MGAT4C: variants seen among roughly 807,000 people sequenced by gnomAD.
MGAT4C encodes the protein alpha-1,3-mannosyl-glycoprotein 4-beta-N-acetylglucosaminyltransferase C.
A neutral mutation model predicts 40.1 loss-of-function variants in MGAT4C; 19 were observed. The observed-to-expected ratio is 0.47, with a 90% CI of 0.33 to 0.70. The LOEUF is 0.70. Among genes scored for constraint, MGAT4C ranks in the 30% least tolerant of loss-of-function variants. The pLI, the probability that MGAT4C is intolerant of heterozygous loss-of-function variation, is 0.02. For synonymous variants in MGAT4C, 181 were observed against 187.1 expected, an observed-to-expected ratio of 0.97 and a Z score of 0.27; for missense variants, 491 against 563.2, an observed-to-expected ratio of 0.87 and a Z score of 1.30.
intron 3 of MGAT4C, among the ~76,000 whole-genome samples, chr12:86,369,343 T>C (rs1331895621): frequency 6.6e-6 from 1 of 152,024 alleles, no homozygotes; most frequent in African/African-American, 2.4e-5. Context: ...ATGGTAATTA[T>C]GGAACTGTAA....
At chr12:86,445,164 T>A (rs992219684) in intron 2 of MGAT4C, among the ~76,000 whole-genome samples, 2 of 152,186 alleles carry the variant, frequency 1.3e-5, no homozygotes, top group Non-Finnish European at 2.9e-5. Flanking sequence ...TCTCACACTT[T>A]AAATATGTGT....
At chr12:86,413,447 G>A (rs986184298) in intron 3 of MGAT4C, among the ~76,000 whole-genome samples, 8 of 152,176 alleles carry the variant, frequency 5.3e-5, no homozygotes, top group Non-Finnish European at 1.2e-4. Context: ...AGAATCATAA[G>A]TTTGCCAATG....
intron 2 of MGAT4C, among the ~76,000 whole-genome samples, chr12:86,683,240 A>G (rs1445411950): frequency 6.6e-6 from 1 of 152,206 alleles, no homozygotes; most frequent in Non-Finnish European, 1.5e-5. Context: ...CAAAAGAAAG[A>G]TTCAATAAAA....
intron 3 of MGAT4C, among the ~76,000 whole-genome samples, chr12:86,358,708 C>T (rs1955376965): frequency 6.6e-6 from 1 of 152,104 alleles, no homozygotes; most frequent in Non-Finnish European, 1.5e-5. Flanking sequence ...TTTAAACCAA[C>T]AAAGACCAAA....
intron 4 of MGAT4C, among the ~76,000 whole-genome samples, chr12:86,287,242 C>CAGA (rs1953374577): frequency 6.6e-6 from 1 of 152,124 alleles, no homozygotes; most frequent in Non-Finnish European, 1.5e-5. Context: ...CCTTTTCCCC[C>CAGA]AATCTCTCCA....
At chr12:86,636,676 T>C (rs1260741697) in intron 2 of MGAT4C, among the ~76,000 whole-genome samples, 2 of 152,008 alleles carry the variant, frequency 1.3e-5, no homozygotes, top group African/African-American at 4.8e-5. Context: ...AGAGAGAAAT[T>C]TTCATGTTGT....
intron 2 of MGAT4C, among the ~76,000 whole-genome samples, chr12:86,507,520 T>G (rs1958491493): frequency 6.6e-6 from 1 of 152,160 alleles, no homozygotes; most frequent in African/African-American, 2.4e-5. Flanking sequence ...TTTTTGTCAT[T>G]AACCCTGTGA....
chr12:86,258,443 C>T (rs950305153), upstream of MGAT4C, among the ~76,000 whole-genome samples: 6 of 151,998 alleles, frequency 3.9e-5, no homozygotes, highest in African/African-American at 1.2e-4. Flanking sequence ...CAGAATGCCA[C>T]ATATAATGTG....
chr12:86,696,352 C>G (rs1483798920), intron 2 of MGAT4C, among the ~76,000 whole-genome samples: 4 of 151,966 alleles, frequency 2.6e-5, no homozygotes, highest in South Asian at 2.1e-4. Flanking sequence ...TACCACATAC[C>G]CACAAAAATT....
chr12:86,700,296 T>C (rs1052436450), intron 2 of MGAT4C, among the ~76,000 whole-genome samples: 1 of 152,028 alleles, frequency 6.6e-6, no homozygotes, highest in Non-Finnish European at 1.5e-5. Context: ...AGTCGCTTAA[T>C]ATATTGACTA....
At position 86,568,545 on chromosome 12, in the gene MGAT4C, C is replaced by CATATATATAT. The variant is rs1232291041; in HGVS notation, c.-228-133290_-228-133281dup. 7.8e-3 allele frequency among the ~76,000 whole-genome samples: 1,078 copies of CATATATATAT among 138,706 alleles called. 12 individuals are homozygous for CATATATATAT. The highest frequency in any genetic ancestry group is 0.046 in the East Asian group (209 of 4,524). The allele number at this position is 138,706 out of a possible 152,430, so 91.0% of individuals were successfully genotyped here. Reference sequence around the variant, plus strand: ...AGTCAATATTCCTTAAACTCCCCTTCATATATATATATATATATATATCCT... The same window carrying CATATATATAT: ...AGTCAATATTCCTTAAACTCCCCTTCATATATATATATATATATATATATATATATATCCT... On this transcript the variant is annotated intron_variant, in intron 2 of 7. Transcript: ENST00000548651.
At chr12:86,049,759 C>T in intron 1 of MGAT4C, 36 bp from the exon 2 acceptor site, 1 of 811,410 alleles carries the variant, frequency 1.2e-6, no homozygotes, top group Non-Finnish European at 1.5e-6. Flanking sequence ...CTAATACAAC[C>T]CACTGGTTTC....
chr12:86,673,369 T>G (rs1034115305), intron 2 of MGAT4C, among the ~76,000 whole-genome samples: 1 of 152,184 alleles, frequency 6.6e-6, no homozygotes, highest in Non-Finnish European at 1.5e-5. Flanking sequence ...GTTTTGTTTA[T>G]CATTGTGAGA....
At chr12:86,773,059 G>A (rs1226101578) in intron 1 of MGAT4C, among the ~76,000 whole-genome samples, 1 of 152,086 alleles carries the variant, frequency 6.6e-6, no homozygotes, top group Non-Finnish European at 1.5e-5. Context: ...TGTGGGCTGG[G>A]CTGAATTATT....
intron 2 of MGAT4C, among the ~76,000 whole-genome samples, chr12:86,605,649 G>A (rs1962016621): frequency 6.6e-6 from 1 of 152,068 alleles, no homozygotes; most frequent in African/African-American, 2.4e-5. Flanking sequence ...TATCCATTCA[G>A]GAAAGCTGAG....
chr12:86,568,831 G>T (rs1960241001), intron 2 of MGAT4C, among the ~76,000 whole-genome samples: 1 of 151,942 alleles, frequency 6.6e-6, no homozygotes, highest in African/African-American at 2.4e-5. Flanking sequence ...TTGGGAGAAA[G>T]ATGCCCTTTT....
intron 2 of MGAT4C, among the ~76,000 whole-genome samples, chr12:86,543,503 T>C (rs75569442): frequency 1.3e-5 from 2 of 152,040 alleles, no homozygotes; most frequent in Non-Finnish European, 2.9e-5. Context: ...TTTTTTTAAA[T>C]AGAAGTGTTG....
At position 86,065,607 on chromosome 12, in the gene MGAT4C, T is replaced by C. The variant is rs139417402; in HGVS notation, c.-56-15884A>G. Among the ~76,000 whole-genome samples the C allele has an allele frequency of 2.2e-3, 333 of 152,290 alleles. 3 individuals are homozygous for C. The highest frequency in any genetic ancestry group is 0.01 in the Middle Eastern group (3 of 292). ...GACAAACTGGCAGTCAATATTATAC[T>C]GAATGGGCAAAAACTGGAAGCATTC... On this transcript the variant is annotated intron_variant, in intron 1 of 4. Coordinates refer to ENST00000611864, the MANE Select transcript of MGAT4C (RefSeq NM_001351288.2).
At chr12:86,673,524 A>G (rs187515955) in intron 2 of MGAT4C, among the ~76,000 whole-genome samples, 43 of 152,324 alleles carry the variant, frequency 2.8e-4, no homozygotes, top group Non-Finnish European at 6.2e-4. Context: ...AAGAAAATAC[A>G]TAGTAATATG....
Sources: gnomAD v4.1 joint callset for allele counts (sites outside exome capture counted in the v4.1 genomes callset) on GRCh38, gnomAD v4.1.1 for gene constraint, MANE v1.5 for transcripts, NCBI Gene and HGNC (gene_info 2026-07-23, HGNC 2026-07-21) for gene names.